Variants in PKHD1L1 observed in about 807,000 individuals in gnomAD.
The protein encoded by PKHD1L1 is fibrocystin-L.
In PKHD1L1, 434 loss-of-function variants were observed where a neutral mutation model predicts 462.9. The observed-to-expected ratio is 0.94, with a 90% CI of 0.87 to 1.02. The LOEUF (loss-of-function observed/expected upper bound fraction) is 1.02, where lower values mean the gene tolerates loss of function less well. Ranked by LOEUF, PKHD1L1 falls within the 50% of genes least tolerant of loss-of-function variation. The pLI is 0.00. For missense variants in PKHD1L1, 5,202 were observed against 5,096.1 expected, an observed-to-expected ratio of 1.02 and a Z score of -0.63; for synonymous variants, 1,781 against 1,750.0, an observed-to-expected ratio of 1.02 and a Z score of -0.44.
In PKHD1L1 at chr8:109,412,407, A is replaced by G. The variant is rs373945019; in HGVS notation, c.2228A>G (p.Tyr743Cys). Residue 743 changes from tyrosine (Y) to cysteine (C), a missense_variant, in exon 20 of 78, where the codon TAT becomes TGT. Tyr to Cys is a radical substitution (Grantham distance 194, BLOSUM62 -2). Coordinates refer to ENST00000378402, the MANE Select transcript of PKHD1L1 (RefSeq NM_177531.6). ...TATGGAGATATTTTATTGTTTCCTTATAATCAGGTAAGCTCAACAAAATGA... is the reference window on the plus strand; with the variant it reads ...TATGGAGATATTTTATTGTTTCCTTGTAATCAGGTAAGCTCAACAAAATGA... ...RPYGDILLFP[Y>C]NQLCLAYKGF... 1 of 1,610,044 alleles carries G rather than the reference A, an allele frequency of 6.2e-7. No individual in the cohort carries two copies. Among genetic ancestry groups the G allele is most frequent in the Non-Finnish European group, 8.5e-7 (1 of 1,177,820 alleles).
chr8:109,525,534 G>T (rs1225627655), intron 76 of PKHD1L1, among the ~76,000 whole-genome samples: 1 of 152,176 alleles, frequency 6.6e-6, no homozygotes, highest in African/African-American at 2.4e-5. Context: ...CTATTAGCTA[G>T]AGCTGGCTAA....
At chr8:109,468,822 G>T (rs527496787) in intron 50 of PKHD1L1, among the ~76,000 whole-genome samples, 3 of 152,074 alleles carry the variant, frequency 2.0e-5, no homozygotes, top group African/African-American at 7.2e-5. Flanking sequence ...TAGTATAATC[G>T]GCCACATATC....
At position 109,393,633 on chromosome 8, in the gene PKHD1L1, T is replaced by G. The variant is rs1265465788; in HGVS notation, c.741-782T>G. 2.0e-5 allele frequency among the ~76,000 whole-genome samples: 3 copies of G among 152,178 alleles called. No individual in the cohort carries two copies. The East Asian group carries it at 5.8e-4, about 29-fold the overall frequency. On this transcript the variant is annotated intron_variant, in intron 9 of 77. Coordinates refer to ENST00000378402, the MANE Select transcript of PKHD1L1 (RefSeq NM_177531.6). ...GCCACAGCTCTGGACTCAAACTGCC[T>G]GGGTCCAGTTCTGTGTCTGCCACTT...
At position 109,363,826 on chromosome 8, in the gene PKHD1L1, T is replaced by C. The variant is rs117450693; in HGVS notation, c.74-721T>C. ...GGCATGTCTTCTTTATAGAAGCCAG[T>C]GTGACACAAGCAGCGTGGGTGAAAT... On this transcript the variant is annotated intron_variant, in intron 1 of 77. Coordinates refer to ENST00000378402, the MANE Select transcript of PKHD1L1 (RefSeq NM_177531.6). Among the ~76,000 whole-genome samples the C allele has an allele frequency of 3.4e-4, 52 of 152,292 alleles. No homozygotes were observed. The East Asian group carries it at 9.5e-3, about 28-fold the overall frequency.
At chr8:109,417,759 T>C (rs1245851722) in intron 21 of PKHD1L1, among the ~76,000 whole-genome samples, 1 of 152,010 alleles carries the variant, frequency 6.6e-6, no homozygotes, top group Non-Finnish European at 1.5e-5. Context: ...ACCATATTGG[T>C]CAGGCTGGTC....
At chr8:109,368,333 T>C (rs538763822) in intron 2 of PKHD1L1, among the ~76,000 whole-genome samples, 9 of 152,216 alleles carry the variant, frequency 5.9e-5, no homozygotes, top group Non-Finnish European at 1.3e-4. Flanking sequence ...CTGACTGGCT[T>C]TCAATTCACC....
chr8:109,514,583 C>T (rs1466564945), intron 71 of PKHD1L1, among the ~76,000 whole-genome samples: 1 of 152,090 alleles, frequency 6.6e-6, no homozygotes, highest in African/African-American at 2.4e-5. Flanking sequence ...AAAGAAGATT[C>T]CAGAACTAAT....
intron 6 of PKHD1L1, among the ~76,000 whole-genome samples, chr8:109,387,298 A>G (rs1311817218): frequency 6.6e-6 from 1 of 152,232 alleles, no homozygotes; most frequent in Non-Finnish European, 1.5e-5. Context: ...CTAAAAGATC[A>G]GGTAAAAAGA....
At chr8:109,371,815 G>A (rs966521350) in intron 2 of PKHD1L1, among the ~76,000 whole-genome samples, 37 of 152,106 alleles carry the variant, frequency 2.4e-4, no homozygotes, top group African/African-American at 7.2e-4. Context: ...GATAGTTGTA[G>A]ATATGCGGCA....
chr8:109,484,257 T>A (rs1214701755), intron 57 of PKHD1L1, among the ~76,000 whole-genome samples: 1 of 151,886 alleles, frequency 6.6e-6, no homozygotes, highest in Middle Eastern at 3.2e-3. Context: ...TTGATATCCC[T>A]ATTATTTATC....
At chr8:109,454,465 G>T (rs1055635470) in intron 44 of PKHD1L1, among the ~76,000 whole-genome samples, 18 of 152,094 alleles carry the variant, frequency 1.2e-4, no homozygotes, top group African/African-American at 4.3e-4. Context: ...CCATAGAGCA[G>T]AATTTAAAAT....
intron 55 of PKHD1L1, chr8:109,480,629 A>C (rs1357421166): frequency 6.6e-6 from 3 of 455,466 alleles, no homozygotes; most frequent in Non-Finnish European, 1.3e-5. Flanking sequence ...GATGGTCTTG[A>C]ACCTGTACCA....
rs752865531 is a variant in PKHD1L1 at position 109,452,893 on chromosome 8, G to A, written c.6664+19G>A. On this transcript the variant is annotated intron_variant, in intron 43 of 77. Coordinates refer to ENST00000378402, the MANE Select transcript of PKHD1L1 (RefSeq NM_177531.6). ...ATTCAGGGTAAATTTCTGAATATCT[G>A]TTCATTGGACTCTGCCTGATAAATA... The A allele has an allele frequency of 4.4e-6, 6 of 1,365,528 alleles. No homozygotes were observed. Among genetic ancestry groups the A allele is most frequent in the Non-Finnish European group, 5.7e-6 (6 of 1,043,620 alleles). 84.6% of individuals were successfully genotyped at this position (1,365,528 alleles called of 1,614,324 possible).
intron 14 of PKHD1L1, among the ~76,000 whole-genome samples, chr8:109,403,875 A>T (rs1813396596): frequency 6.6e-6 from 1 of 152,106 alleles, no homozygotes; most frequent in Non-Finnish European, 1.5e-5. Context: ...ATTGCTAGAG[A>T]TTTAGAGGAG....
chr8:109,477,472 A>G, intron 53 of PKHD1L1, 76 bp downstream of exon 53: 1 of 1,316,770 alleles, frequency 7.6e-7, no homozygotes, highest in Non-Finnish European at 1.0e-6. Context: ...TCCTGGGTGA[A>G]ATAATAATGC....
rs1563709617 is a variant in PKHD1L1 at position 109,369,715 on chromosome 8, G to T, written c.163+5079G>T. On this transcript the variant is annotated intron_variant, in intron 2 of 77. Transcript: ENST00000378402. ...TTAGTTGGTTGCCAGGAGCTCTTCT[G>T]TGTGTTCCAAACTCAATGTGAACAC... is the stretch of plus-strand genomic sequence containing the variant. 2.6e-5 allele frequency among the ~76,000 whole-genome samples: 4 copies of T among 152,098 alleles called. No homozygotes were observed. In the South Asian group the frequency reaches 6.2e-4, roughly 24 times the overall value.
chr8:109,527,973 T>G (rs1018954943), intron 77 of PKHD1L1, among the ~76,000 whole-genome samples: 1 of 152,078 alleles, frequency 6.6e-6, no homozygotes, highest in African/African-American at 2.4e-5. Context: ...CCTGGTCACA[T>G]GGGGTAAGGT....
intron 2 of PKHD1L1, among the ~76,000 whole-genome samples, chr8:109,374,822 A>T (rs1811719443): frequency 6.6e-6 from 1 of 152,184 alleles, no homozygotes; most frequent in South Asian, 2.1e-4. Context: ...AATGTTGAAT[A>T]TTGGCCCCCA....
intron 42 of PKHD1L1, 21 bp downstream of exon 42, chr8:109,452,301 A>C (rs757260073): frequency 1.3e-6 from 2 of 1,538,554 alleles, no homozygotes; most frequent in South Asian, 1.3e-5. Flanking sequence ...TGTTGGGTAT[A>C]GTAATCACAG....
Sources: allele counts gnomAD v4.1 joint callset (sites outside exome capture counted in the v4.1 genomes callset), GRCh38; gene constraint gnomAD v4.1.1; transcripts MANE v1.5; gene names NCBI Gene and HGNC (gene_info 2026-07-23, HGNC 2026-07-21).